MRGPRX3: variants seen among roughly 807,000 people sequenced by gnomAD.
MRGPRX3 encodes the protein mas-related G protein-coupled receptor member X3.
In MRGPRX3, 14 loss-of-function variants were observed where a neutral mutation model predicts 16.5. That is an observed-to-expected ratio of 0.85 (90% CI 0.56 to 1.33). The LOEUF is 1.33. MRGPRX3 is among the 40% of genes most tolerant of loss of function. MRGPRX3 has a pLI of 0.00. For missense variants in MRGPRX3, 449 were observed against 413.0 expected (o/e 1.09, Z -0.76); for synonymous variants, 199 against 180.1 (o/e 1.10, Z -0.84).
In MRGPRX3 at chr11:18,138,160, T is replaced by C. The variant is rs1379382069; in HGVS notation, c.958T>C (p.Leu320=). ...QETLELSGSR[L]EQ is the part of the protein sequence containing the mutation. ...AACCCTGGAGCTGTCGGGAAGCAGA[T>C]TGGAGCAGTGAGGAAGAACCTCTGC... The change falls in exon 2 of 2, where the codon TTG becomes CTG. Residue 320 remains leucine, a synonymous_variant. Transcript: ENST00000621697. 1.9e-6 allele frequency: 3 copies of C among 1,610,172 alleles called. No homozygotes were observed. Among genetic ancestry groups the C allele is most frequent in the Middle Eastern group, 1.7e-4 (1 of 6,032 alleles).
At chr11:18,123,405 T>C (rs1848859936) in intron 1 of MRGPRX3, among the ~76,000 whole-genome samples, 1 of 152,218 alleles carries the variant, frequency 6.6e-6, no homozygotes, top group African/African-American at 2.4e-5. Context: ...TTTCTACATA[T>C]GGCTAGCCAG....
upstream of MRGPRX3, among the ~76,000 whole-genome samples, chr11:18,130,689 C>A (rs1269472255): frequency 6.0e-5 from 5 of 82,802 alleles, no homozygotes; most frequent in Admixed American, 1.7e-4. Flanking sequence ...TCATATGGAA[C>A]AACAACCAAA....
At chr11:18,129,249 C>A (rs912579112), upstream of MRGPRX3, among the ~76,000 whole-genome samples, 14 of 152,170 alleles carry the variant, frequency 9.2e-5, no homozygotes, top group African/African-American at 3.4e-4. Context: ...AAACAAAAAG[C>A]TGGTTCTTTG....
intron 1 of MRGPRX3, among the ~76,000 whole-genome samples, chr11:18,122,791 A>T (rs1848853045): frequency 1.3e-5 from 2 of 152,202 alleles, no homozygotes; most frequent in Non-Finnish European, 2.9e-5. Flanking sequence ...GAACTAGTTT[A>T]CACTCCCACC....
In MRGPRX3 at chr11:18,132,729, GAA is replaced by G. The variant is rs751808207; in HGVS notation, c.-35_-34del. ...AGGTCTTCACCACTGGACAAAGAAG[GAA>G]CGATAAGGGTAAGTACCAAGAACTC... On this transcript the variant is annotated 5_prime_UTR_variant, in exon 1 of 2. Coordinates refer to ENST00000621697, the MANE Select transcript of MRGPRX3 (RefSeq NM_001370464.1). 1 of 152,230 alleles carries G rather than the reference GAA, an allele frequency of 6.6e-6. No homozygotes were observed. The highest frequency in any genetic ancestry group is 1.5e-5 in the Non-Finnish European group (1 of 68,058). 9.4% of individuals were successfully genotyped at this position (152,230 alleles called of 1,614,324 possible).
At chr11:18,128,586 G>T (rs1377400626), upstream of MRGPRX3, among the ~76,000 whole-genome samples, 1 of 152,234 alleles carries the variant, frequency 6.6e-6, no homozygotes, top group Non-Finnish European at 1.5e-5. Context: ...CCAGGCACAG[G>T]ATACAATCTC....
intron 1 of MRGPRX3, among the ~76,000 whole-genome samples, chr11:18,124,412 T>C (rs1024591365): frequency 2.4e-4 from 37 of 152,246 alleles, no homozygotes; most frequent in African/African-American, 7.5e-4. Flanking sequence ...TGTTGAATTT[T>C]GTCAAAGGCC....
chr11:18,125,914 G>T (rs1327872431), intron 1 of MRGPRX3, among the ~76,000 whole-genome samples: 1 of 152,196 alleles, frequency 6.6e-6, no homozygotes, highest in Non-Finnish European at 1.5e-5. Flanking sequence ...AGCTCTTCTT[G>T]TTGAATTGAT....
At position 18,137,764 on chromosome 11, in the gene MRGPRX3, T is replaced by C; in HGVS notation, c.562T>C (p.Cys188Arg). ...TACAATCGCGTGGCTGGTTTTTTTATGTGTGGTTCTCTGTGGGTCCAGCCT... is the reference window on the plus strand; with the variant it reads ...TACAATCGCGTGGCTGGTTTTTTTACGTGTGGTTCTCTGTGGGTCCAGCCT... ...FITIAWLVFL[C>R]VVLCGSSLVL... The change falls in exon 2 of 2, where the codon TGT (cysteine) becomes CGT (arginine). Residue 188 changes from cysteine to arginine, a missense_variant. By Grantham distance (180) the Cys-to-Arg change is radical. Transcript: ENST00000621697. The C allele has an allele frequency of 6.2e-7, 1 of 1,614,172 alleles. No homozygotes were observed.
chr11:18,136,367 A>C (rs1323887622), intron 1 of MRGPRX3, among the ~76,000 whole-genome samples: 3 of 152,208 alleles, frequency 2.0e-5, no homozygotes, highest in Non-Finnish European at 4.4e-5. Flanking sequence ...AGCCACACTG[A>C]GTCCTTATTT....
At chr11:18,125,026 A>G (rs1327222462) in intron 1 of MRGPRX3, among the ~76,000 whole-genome samples, 5 of 152,108 alleles carry the variant, frequency 3.3e-5, no homozygotes, top group African/African-American at 9.6e-5. Context: ...TGTGGGATCG[A>G]TGGTGATATT....
At chr11:18,127,221 A>C (rs1452290425) in intron 1 of MRGPRX3, among the ~76,000 whole-genome samples, 1 of 151,984 alleles carries the variant, frequency 6.6e-6, no homozygotes, top group Non-Finnish European at 1.5e-5. Context: ...CTACATTTCA[A>C]CTTTGGTGAA....
At chr11:18,123,715 T>A (rs949716028) in intron 1 of MRGPRX3, among the ~76,000 whole-genome samples, 3 of 152,234 alleles carry the variant, frequency 2.0e-5, no homozygotes, top group African/African-American at 4.8e-5. Context: ...TTTTTTCCAA[T>A]TCTGTGAAGA....
intron 1 of MRGPRX3, among the ~76,000 whole-genome samples, chr11:18,136,857 C>T (rs1268043900): frequency 6.6e-6 from 1 of 152,202 alleles, no homozygotes; most frequent in Non-Finnish European, 1.5e-5. Context: ...AATTCCTCCA[C>T]CTGAGAGAAA....
rs1237735909 is a variant in MRGPRX3, at chr11:18,137,515, C to A, written c.313C>A (p.Pro105Thr). The change falls in exon 2 of 2, where the codon CCC becomes ACC. Residue 105 changes from proline to threonine, a missense_variant. Transcript: ENST00000621697. ...SKILSPVMTF[P>T]YFIGLSMLSA... ...AATCCTCAGTCCTGTGATGACCTTT[C>A]CCTACTTTATAGGCCTAAGCATGCT... 6.2e-7 allele frequency: 1 copy of A among 1,614,202 alleles called. No individual in the cohort carries two copies. The highest frequency in any genetic ancestry group is 1.1e-5 in the South Asian group (1 of 91,082).
intron 1 of MRGPRX3, among the ~76,000 whole-genome samples, chr11:18,133,047 T>G (rs1286893282): frequency 6.6e-6 from 1 of 152,224 alleles, no homozygotes; most frequent in Non-Finnish European, 1.5e-5. Context: ...TGCAGGCATT[T>G]CTTCCCAGAG....
At chr11:18,124,452 G>A (rs1848870327) in intron 1 of MRGPRX3, among the ~76,000 whole-genome samples, 1 of 152,176 alleles carries the variant, frequency 6.6e-6, no homozygotes, top group Admixed American at 6.5e-5. Context: ...TAATCATGTG[G>A]TTTTTGTCTT....
Position 18,138,055 on chromosome 11 carries a change from C to T in MRGPRX3, c.853C>T (p.Gln285Ter), listed in dbSNP as rs1238710103. The change falls in exon 2 of 2, where the codon CAG becomes TAG. Residue 285 changes from glutamine (Q) to a stop codon, truncating the protein, a stop_gained. Transcript: ENST00000621697. LOFTEE classifies it high-confidence loss of function. ...VGSFRQRQNR[Q>*]NLKLVLQRAL... ...CTCCTTTAGGCAGCGTCAAAATAGG[C>T]AGAACCTGAAGCTGGTTCTCCAGAG... The T allele has an allele frequency of 6.2e-7, 1 of 1,614,188 alleles. No individual in the cohort carries two copies. Among genetic ancestry groups the T allele is most frequent in the Non-Finnish European group, 8.5e-7 (1 of 1,180,038 alleles).
At chr11:18,124,656 T>G (rs1476984140) in intron 1 of MRGPRX3, among the ~76,000 whole-genome samples, 4 of 152,198 alleles carry the variant, frequency 2.6e-5, no homozygotes, top group Non-Finnish European at 5.9e-5. Flanking sequence ...TCTCTTTTTT[T>G]GTTGTGTCTC....
Sources: gnomAD v4.1 joint callset for allele counts (sites outside exome capture counted in the v4.1 genomes callset) on GRCh38, gnomAD v4.1.1 for gene constraint, MANE v1.5 for transcripts, NCBI Gene and HGNC (gene_info 2026-07-23, HGNC 2026-07-21) for gene names.